The following ANKRD17 variants were observed in gnomAD, a reference collection of about 807,000 sequenced individuals.
The protein encoded by ANKRD17 is ankyrin repeat domain-containing protein 17.
Under a neutral mutation model 229.7 loss-of-function variants are expected in ANKRD17, and 19 were observed. That is an observed-to-expected ratio of 0.08 (90% CI 0.06 to 0.12). The LOEUF is 0.12. Among genes scored for constraint, ANKRD17 ranks in the 10% least tolerant of loss-of-function variants. The pLI, the probability that ANKRD17 is intolerant of heterozygous loss-of-function variation, is 1.00. For missense variants in ANKRD17, 2,176 were observed against 3,176.8 expected (o/e 0.68, Z 7.57); for synonymous variants, 1,112 against 1,146.1 (o/e 0.97, Z 0.60).
intron 16 of ANKRD17, among the ~76,000 whole-genome samples, chr4:73,132,977 T>C (rs1392657678): frequency 2.0e-5 from 3 of 152,326 alleles, no homozygotes; most frequent in Non-Finnish European, 2.9e-5. Context: ...CTGTGTGCGG[T>C]GGCACACGCC....
chr4:73,212,041 G>A (rs780392294), intron 1 of ANKRD17, among the ~76,000 whole-genome samples: 4 of 152,108 alleles, frequency 2.6e-5, no homozygotes, highest in Non-Finnish European at 5.9e-5. Context: ...ATTGATCTGA[G>A]TTAATATGAA....
chr4:73,191,968 T>C (rs1578339526), intron 1 of ANKRD17, among the ~76,000 whole-genome samples: 2 of 152,074 alleles, frequency 1.3e-5, no homozygotes, highest in Admixed American at 1.3e-4. Context: ...AAATAACCCA[T>C]ATATCCATCA....
chr4:73,232,877 C>T (rs2149244390), intron 1 of ANKRD17, among the ~76,000 whole-genome samples: 1 of 152,202 alleles, frequency 6.6e-6, no homozygotes, highest in Admixed American at 6.5e-5. Context: ...GCGCAGCTAC[C>T]ACGCCCAGCT....
intron 3 of ANKRD17, 68 bp from the exon 4 acceptor site, chr4:73,156,234 GTTT>G: frequency 1.0e-5 from 15 of 1,483,250 alleles, no homozygotes; most frequent in Non-Finnish European, 1.3e-5. Context: ...CATAAATATT[GTTT>G]TTGATTGTTT....
Position 73,118,823 on chromosome 4 carries a change from C to T in ANKRD17, c.4053G>A (p.Lys1351=). 1 of 1,606,688 alleles carries T rather than the reference C, an allele frequency of 6.2e-7. No homozygotes were observed. The highest frequency in any genetic ancestry group is 8.5e-7 in the Non-Finnish European group (1 of 1,176,644). Residue 1351 remains lysine (K), a synonymous_variant, in exon 22 of 34, where the codon AAG becomes AAA. Coordinates refer to ENST00000358602, the MANE Select transcript of ANKRD17 (RefSeq NM_032217.5). The stretch of plus-strand genomic sequence containing the variant: ...CTAGCCACAATGGAGTGTTCCCCTT[C>T]TTGTTACGTACATCAATATGAGCTC... ...GRGAHIDVRN[K]KGNTPLWLAA... is the part of the protein sequence containing the mutation.
intron 30 of ANKRD17, among the ~76,000 whole-genome samples, chr4:73,081,982 CAA>C (rs905989959): frequency 2.0e-5 from 3 of 150,874 alleles, no homozygotes; most frequent in East Asian, 1.9e-4. Context: ...CTCATCTCTA[CAA>C]AAAAAAATTT....
chr4:73,114,176 A>T, intron 23 of ANKRD17, among the ~76,000 whole-genome samples: 1 of 152,324 alleles, frequency 6.6e-6, no homozygotes, highest in East Asian at 1.9e-4. Flanking sequence ...TTTATCCTCT[A>T]ATTTAAATAT....
chr4:73,237,674 G>C (rs1193946985), intron 1 of ANKRD17, among the ~76,000 whole-genome samples: 2 of 152,250 alleles, frequency 1.3e-5, no homozygotes, highest in East Asian at 3.9e-4. Flanking sequence ...ATTTTATCTA[G>C]AACCCTAGTA....
At position 73,140,197 on chromosome 4, in the gene ANKRD17, T is replaced by C. The variant is rs774849399; in HGVS notation, c.2419A>G (p.Ile807Val). The C allele has an allele frequency of 1.9e-6, 3 of 1,614,096 alleles. No homozygotes were observed. In the South Asian group the frequency reaches 3.3e-5, roughly 18 times the overall value. Residue 807 changes from isoleucine (I) to valine (V), a missense_variant, in exon 15 of 34, where the codon ATT (isoleucine) becomes GTT (valine). Ile to Val is a conservative substitution (Grantham distance 29, BLOSUM62 3). Transcript: ENST00000358602. The stretch of plus-strand genomic sequence containing the variant: ...AACTTTCCCTGAGCCTCTTCTACAA[T>C]GCTCTCTGGAGACTGATTGGTGATG... Reference protein sequence around the residue: ...GYITNQSPESIVEEAQGKLTE... With the variant: ...GYITNQSPESVVEEAQGKLTE...
chr4:73,097,346 T>C lies in ANKRD17; in HGVS notation c.5022-74A>G, dbSNP rs1347341230. The C allele has an allele frequency of 5.5e-6, 7 of 1,281,592 alleles. No homozygotes were observed. The South Asian group carries it at 1.1e-4, about 19-fold the overall frequency. The allele number at this position is 1,281,592 out of a possible 1,614,324, so 79.4% of individuals were successfully genotyped here. A position where few individuals can be genotyped will look rare whatever the true frequency, so the allele number is the denominator to read the frequency against. The stretch of plus-strand genomic sequence containing the variant: ...TTTTTAAATGATAAAGGTAGTCTAC[T>C]ACCCAATTTTTAAAAATTTATTTTT... On this transcript the variant is annotated intron_variant, in intron 26 of 33. Coordinates refer to ENST00000358602, the MANE Select transcript of ANKRD17 (RefSeq NM_032217.5).
intron 1 of ANKRD17, among the ~76,000 whole-genome samples, chr4:73,202,649 A>T (rs908998988): frequency 1.3e-5 from 2 of 152,222 alleles, no homozygotes; most frequent in South Asian, 4.1e-4. Flanking sequence ...TGATCTAACA[A>T]TGCTTCAAAA....
intron 1 of ANKRD17, among the ~76,000 whole-genome samples, chr4:73,189,940 T>C (rs1360134882): frequency 6.6e-6 from 1 of 152,166 alleles, no homozygotes; most frequent in African/African-American, 2.4e-5. Context: ...ATGACTAACA[T>C]TAATGCAATC....
intron 16 of ANKRD17, among the ~76,000 whole-genome samples, chr4:73,134,268 C>T (rs1205281785): frequency 6.6e-6 from 1 of 152,110 alleles, no homozygotes; most frequent in Admixed American, 6.5e-5. Flanking sequence ...CACGTTACCC[C>T]TGCTAAAATT....
chr4:73,208,206 A>AC (rs1170201541), intron 1 of ANKRD17, among the ~76,000 whole-genome samples: 3 of 151,660 alleles, frequency 2.0e-5, no homozygotes, highest in South Asian at 4.2e-4. Context: ...AAAAAAAAAA[A>AC]AAAAAACTTG....
chr4:73,144,642 T>C, intron 11 of ANKRD17, 103 bp downstream of exon 11: 1 of 619,674 alleles, frequency 1.6e-6, no homozygotes, highest in East Asian at 3.1e-5. Context: ...TCCCTCCTCA[T>C]ATGATACCCT....
At position 73,098,783 on chromosome 4, in the gene ANKRD17, C is replaced by T. The variant is rs1012017793; in HGVS notation, c.4574-263G>A. ...TGGCGTGGCTCCAGGAAGGCCATTC[C>T]AGCCATCAATCTTCCACCTGCTCCT... On this transcript the variant is annotated intron_variant, in intron 25 of 33. Transcript: ENST00000358602. 39 of 1,323,290 alleles carry T rather than the reference C, an allele frequency of 2.9e-5. 1 individual carries two copies. The South Asian group carries it at 4.6e-4, about 16-fold the overall frequency. 82.0% of individuals were successfully genotyped at this position (1,323,290 alleles called of 1,614,324 possible).
rs1730054444 is a variant in ANKRD17, at chr4:73,144,850, A to AC, written c.1870-19_1870-18insG. ...TCATGTTCCTGTTTAAAAAAAAAAAAAAAGACTTGACATTTAATTGCCAGT... is the reference window on the plus strand; with the variant it reads ...TCATGTTCCTGTTTAAAAAAAAAAAACAAAGACTTGACATTTAATTGCCAGT... On this transcript the variant is annotated intron_variant, in intron 10 of 33. Coordinates refer to ENST00000358602, the MANE Select transcript of ANKRD17 (RefSeq NM_032217.5). 1 of 1,557,162 alleles carries AC rather than the reference A, an allele frequency of 6.4e-7. No individual in the cohort carries two copies. The highest frequency in any genetic ancestry group is 8.7e-7 in the Non-Finnish European group (1 of 1,155,174).
rs553398049 is a variant in ANKRD17 at position 73,074,983 on chromosome 4, C to T, written c.*1248G>A. ...ATAAACAGGTTAAATGGAGACTTTACACTGTAATCTGTGTATTTATCTGTC... is the reference window on the plus strand; with the variant it reads ...ATAAACAGGTTAAATGGAGACTTTATACTGTAATCTGTGTATTTATCTGTC... On this transcript the variant is annotated 3_prime_UTR_variant, in exon 34 of 34. Transcript: ENST00000358602. 28 of 152,532 alleles carry T rather than the reference C, an allele frequency of 1.8e-4. No individual in the cohort carries two copies. Among genetic ancestry groups the T allele is most frequent in the South Asian group, 6.2e-4 (3 of 4,828 alleles). 9.4% of individuals were successfully genotyped at this position (152,532 alleles called of 1,614,324 possible).
rs943608885 is a variant in ANKRD17 at position 73,142,092 on chromosome 4, C to T, written c.2229+150G>A. The T allele has an allele frequency of 1.3e-5, 11 of 865,088 alleles. No homozygotes were observed. The Admixed American group carries it at 1.4e-4, about 11-fold the overall frequency. The allele number at this position is 865,088 out of a possible 1,614,324, so 53.6% of individuals were successfully genotyped here. A position where few individuals can be genotyped will look rare whatever the true frequency, so the allele number is the denominator to read the frequency against. ...TATCATCTAGGATCTGAATATTGTA[C>T]CAGATGTTCATTAACTGTATCAAGT... On this transcript the variant is annotated intron_variant, in intron 13 of 33. Coordinates refer to ENST00000358602, the MANE Select transcript of ANKRD17 (RefSeq NM_032217.5).
Sources: allele counts gnomAD v4.1 joint callset (sites outside exome capture counted in the v4.1 genomes callset), GRCh38; gene constraint gnomAD v4.1.1; transcripts MANE v1.5; gene names NCBI Gene and HGNC (gene_info 2026-07-23, HGNC 2026-07-21).